VAPB: variants seen among roughly 807,000 people sequenced by gnomAD.
VAPB encodes the protein vesicle-associated membrane protein-associated protein B/C.
Under a neutral mutation model 25.6 loss-of-function variants are expected in VAPB, and 7 were observed. The ratio of observed to expected loss-of-function variants is 0.27; its 90% CI spans 0.16 to 0.51. The LOEUF (loss-of-function observed/expected upper bound fraction) is 0.51. Ranked by LOEUF, VAPB falls within the 20% of genes least tolerant of loss-of-function variation. The pLI is 0.97. For synonymous variants in VAPB, 112 were observed against 109.2 expected (o/e 1.03, Z -0.16); for missense variants, 266 against 301.3 (o/e 0.88, Z 0.87).
chr20:58,438,300 CAG>C (rs1347501566), intron 3 of VAPB, among the ~76,000 whole-genome samples: 1 of 152,124 alleles, frequency 6.6e-6, no homozygotes, highest in East Asian at 1.9e-4. Flanking sequence ...ATTTTTGAGA[CAG>C]AGTCTCTCAG....
chr20:58,448,262 C>G lies in VAPB; in HGVS notation c.*4027C>G, dbSNP rs1437096344. Reference sequence around the variant, plus strand: ...GACCACTCTTCTGGAACACCAAGAGCAGCTCTGAGATCATGCTGGCCCTAC... The same window carrying G: ...GACCACTCTTCTGGAACACCAAGAGGAGCTCTGAGATCATGCTGGCCCTAC... On this transcript the variant is annotated 3_prime_UTR_variant, in exon 6 of 6. Transcript: ENST00000475243. 2.2e-6 allele frequency: 1 copy of G among 454,064 alleles called. No homozygotes were observed. Among genetic ancestry groups the G allele is most frequent in the East Asian group, 7.0e-5 (1 of 14,388 alleles). The allele number at this position is 454,064 out of a possible 1,614,324, so 28.1% of individuals were successfully genotyped here. A position where few individuals can be genotyped will look rare whatever the true frequency, so the allele number is the denominator to read the frequency against.
intron 1 of VAPB, among the ~76,000 whole-genome samples, chr20:58,392,148 G>C (rs1056257758): frequency 5.9e-5 from 9 of 152,204 alleles, no homozygotes; most frequent in African/African-American, 2.2e-4. Context: ...CTCAAAGCCT[G>C]GGGTGGTTAT....
At chr20:58,432,540 C>T (rs1988951063) in intron 2 of VAPB, 1 of 152,100 alleles carries the variant, frequency 6.6e-6, no homozygotes, top group South Asian at 2.1e-4. Flanking sequence ...CCAAGGAAGA[C>T]CTGAAATTCT....
chr20:58,399,995 A>G (rs980716218), intron 1 of VAPB, among the ~76,000 whole-genome samples: 2 of 152,198 alleles, frequency 1.3e-5, no homozygotes, highest in African/African-American at 4.8e-5. Flanking sequence ...AGAAAAATGG[A>G]AGAAATGGAA....
chr20:58,405,911 G>A (rs995022695), intron 1 of VAPB, among the ~76,000 whole-genome samples: 3 of 151,856 alleles, frequency 2.0e-5, no homozygotes, highest in East Asian at 1.9e-4. Flanking sequence ...GTGCCACCAC[G>A]CCTAAGTAAT....
At position 58,431,908 on chromosome 20, in the gene VAPB, G is replaced by T. The variant is rs548438278; in HGVS notation, c.212-2694G>T. Among the ~76,000 whole-genome samples, 76 of 152,254 alleles carry T rather than the reference G, an allele frequency of 5.0e-4. 1 individual carries two copies. The highest frequency in any genetic ancestry group is 1.6e-3 in the African/African-American group (67 of 41,542). On this transcript the variant is annotated intron_variant, in intron 2 of 5. Coordinates refer to ENST00000475243, the MANE Select transcript of VAPB (RefSeq NM_004738.5). Reference sequence around the variant, plus strand: ...AGGAGACGTGCTGCTTGGATGGATTGTTGTGAGTAGTAAATGGGAGCACTA... The same window carrying T: ...AGGAGACGTGCTGCTTGGATGGATTTTTGTGAGTAGTAAATGGGAGCACTA...
intron 1 of VAPB, among the ~76,000 whole-genome samples, chr20:58,407,493 A>G (rs1360511320): frequency 6.6e-6 from 1 of 152,210 alleles, no homozygotes; most frequent in African/African-American, 2.4e-5. Flanking sequence ...TTTTAAGTAC[A>G]GAAAAATACA....
In VAPB at chr20:58,448,148, G is replaced by T. The variant is rs1230311986; in HGVS notation, c.*3913G>T. 4.4e-6 allele frequency: 2 copies of T among 454,026 alleles called. No individual in the cohort carries two copies. The highest frequency in any genetic ancestry group is 8.8e-6 in the Non-Finnish European group (2 of 226,774). The allele number at this position is 454,026 out of a possible 1,614,324, so 28.1% of individuals were successfully genotyped here. A position where few individuals can be genotyped will look rare whatever the true frequency, so the allele number is the denominator to read the frequency against. ...TGAGAAGGAGTGTTCTCAAAGATGAGCTGGAATGGAATTGTATTTAGAAAG... is the reference window on the plus strand; with the variant it reads ...TGAGAAGGAGTGTTCTCAAAGATGATCTGGAATGGAATTGTATTTAGAAAG... On this transcript the variant is annotated 3_prime_UTR_variant, in exon 6 of 6. Coordinates refer to ENST00000475243, the MANE Select transcript of VAPB (RefSeq NM_004738.5).
Position 58,444,259 on chromosome 20 carries a change from A to G in VAPB, c.*24A>G, listed in dbSNP as rs201048706. On this transcript the variant is annotated 3_prime_UTR_variant, in exon 6 of 6. Transcript: ENST00000475243. ...AGAGGTAGCATGCACAGGATGGTAA[A>G]TTGGATTGGTGGATCCACCATATCA... The G allele has an allele frequency of 1.9e-6, 3 of 1,614,160 alleles. No individual in the cohort carries two copies. The highest frequency in any genetic ancestry group is 2.5e-6 in the Non-Finnish European group (3 of 1,180,020).
In VAPB at chr20:58,447,974, G is replaced by T. The variant is rs1250745407; in HGVS notation, c.*3739G>T. The stretch of plus-strand genomic sequence containing the variant: ...GAGGCCACTGCTTCCCCCTGCTGGA[G>T]ATGGCATTTCATTGAAGGGCCTCTC... On this transcript the variant is annotated 3_prime_UTR_variant, in exon 6 of 6. Coordinates refer to ENST00000475243, the MANE Select transcript of VAPB (RefSeq NM_004738.5). 8.8e-6 allele frequency: 4 copies of T among 453,808 alleles called. No individual in the cohort carries two copies. In the Admixed American group the frequency reaches 9.4e-5, roughly 11 times the overall value. The allele number at this position is 453,808 out of a possible 1,614,324, so 28.1% of individuals were successfully genotyped here.
chr20:58,427,050 C>G (rs1431667395), intron 2 of VAPB, among the ~76,000 whole-genome samples: 1 of 150,984 alleles, frequency 6.6e-6, no homozygotes, highest in Admixed American at 6.6e-5. Context: ...GATCTGTTAC[C>G]ATTATGATGC....
chr20:58,392,751 C>T (rs1052059574), intron 1 of VAPB, among the ~76,000 whole-genome samples: 3 of 152,002 alleles, frequency 2.0e-5, no homozygotes, highest in African/African-American at 7.3e-5. Flanking sequence ...CTAAGTTGAT[C>T]GTATGGGATT....
chr20:58,445,105 T>C lies in VAPB; in HGVS notation c.*870T>C. The C allele has an allele frequency of 4.4e-6, 2 of 454,584 alleles. No homozygotes were observed. The highest frequency in any genetic ancestry group is 8.8e-6 in the Non-Finnish European group (2 of 226,784). 28.2% of individuals were successfully genotyped at this position (454,584 alleles called of 1,614,324 possible). On this transcript the variant is annotated 3_prime_UTR_variant, in exon 6 of 6. Coordinates refer to ENST00000475243, the MANE Select transcript of VAPB (RefSeq NM_004738.5). ...TCTGGTCATGTGGAGGTGGGGTTTATTGGGATGCTGGAGAAGAGCTGCCAG... is the reference window on the plus strand; with the variant it reads ...TCTGGTCATGTGGAGGTGGGGTTTACTGGGATGCTGGAGAAGAGCTGCCAG...
intron 4 of VAPB, chr20:58,439,686 C>T (rs1989120689): frequency 6.5e-6 from 1 of 153,706 alleles, no homozygotes; most frequent in Non-Finnish European, 1.4e-5. Context: ...AATATCAACC[C>T]CCATTGAGAG....
intron 2 of VAPB, among the ~76,000 whole-genome samples, chr20:58,429,622 G>A (rs528744739): frequency 2.1e-4 from 32 of 152,292 alleles, no homozygotes; most frequent in African/African-American, 7.5e-4. Context: ...AGGAGCATAG[G>A]GAACGCCCAT....
Position 58,389,317 on chromosome 20 carries a change from G to A in VAPB, c.-143G>A. 2.5e-6 allele frequency: 1 copy of A among 398,114 alleles called. No individual in the cohort carries two copies. The highest frequency in any genetic ancestry group is 3.7e-5 in the Admixed American group (1 of 27,154). 24.7% of individuals were successfully genotyped at this position (398,114 alleles called of 1,614,324 possible). A position where few individuals can be genotyped will look rare whatever the true frequency, so the allele number is the denominator to read the frequency against. ...GCGTAGACCGACCCCCCCCCAGCGC[G>A]CCCACCCGGTAGAGGACCCCCGCCC... On this transcript the variant is annotated 5_prime_UTR_variant, in exon 1 of 6. Transcript: ENST00000475243.
chr20:58,427,168 A>G (rs6026264), intron 2 of VAPB, among the ~76,000 whole-genome samples: 24 of 149,326 alleles, frequency 1.6e-4, no homozygotes, highest in African/African-American at 5.0e-4. Context: ...TATGATGCAG[A>G]CGAAAGTGAT....
At position 58,444,542 on chromosome 20, in the gene VAPB, A is replaced by G. The variant is rs1201172854; in HGVS notation, c.*307A>G. 3.0e-5 allele frequency: 15 copies of G among 503,084 alleles called. No homozygotes were observed. The Admixed American group carries it at 3.2e-4, about 11-fold the overall frequency. The allele number at this position is 503,084 out of a possible 1,614,324, so 31.2% of individuals were successfully genotyped here. On this transcript the variant is annotated 3_prime_UTR_variant, in exon 6 of 6. Transcript: ENST00000475243. ...TGTAAATGTCATTTTAAACATTGGT[A>G]GGCCTTGGTACATGATGCTGGATTA... is the stretch of plus-strand genomic sequence containing the variant.
chr20:58,414,058 T>C (rs530152640), intron 1 of VAPB, among the ~76,000 whole-genome samples: 11 of 36 alleles, frequency 0.31, 2 homozygotes, highest in Non-Finnish European at 0.5. Context: ...GGCTCCTCAC[T>C]TCCCAGTAGG....
Sources: allele counts gnomAD v4.1 joint callset (sites outside exome capture counted in the v4.1 genomes callset), GRCh38; gene constraint gnomAD v4.1.1; transcripts MANE v1.5; gene names NCBI Gene and HGNC (gene_info 2026-07-23, HGNC 2026-07-21).